The following CHN2 variants were observed in gnomAD, a reference collection of about 807,000 sequenced individuals.
CHN2 encodes beta-chimaerin.
CHN2 carries 35 observed loss-of-function variants against 56.3 expected under a neutral mutation model. The ratio of observed to expected loss-of-function variants is 0.62; its 90% CI spans 0.47 to 0.82. The LOEUF (loss-of-function observed/expected upper bound fraction) is 0.82. Ranked by LOEUF, CHN2 falls within the 40% of genes least tolerant of loss-of-function variation. The probability of loss-of-function intolerance (pLI) is 0.00; values close to 1 mark genes in which losing one functional copy is unlikely to be tolerated. For synonymous variants in CHN2, 210 were observed against 212.8 expected, an observed-to-expected ratio of 0.99 and a Z score of 0.12; for missense variants, 491 against 580.5, an observed-to-expected ratio of 0.85 and a Z score of 1.58.
intron 1 of CHN2, among the ~76,000 whole-genome samples, chr7:29,289,364 A>G (rs1413141180): frequency 6.6e-6 from 1 of 152,132 alleles, no homozygotes; most frequent in Non-Finnish European, 1.5e-5. Context: ...CTAATTCTGC[A>G]TGGCCCCGTC....
intron 2 of CHN2, among the ~76,000 whole-genome samples, chr7:29,149,453 C>G (rs569925194): frequency 7.9e-5 from 12 of 152,174 alleles, no homozygotes; most frequent in African/African-American, 2.6e-4. Context: ...CTTGGCCTCC[C>G]AAAGTGCTGG....
chr7:29,371,793 C>T (rs1313761356), intron 3 of CHN2, among the ~76,000 whole-genome samples: 3 of 152,190 alleles, frequency 2.0e-5, no homozygotes, highest in African/African-American at 7.2e-5. Flanking sequence ...TCCCTACCCT[C>T]ACCCCTTTCT....
intron 6 of CHN2, among the ~76,000 whole-genome samples, chr7:29,472,188 T>C (rs1401697171): frequency 6.6e-6 from 1 of 150,486 alleles, no homozygotes; most frequent in Non-Finnish European, 1.5e-5. Flanking sequence ...CACAATGCCA[T>C]AGCAAAAAAC....
intron 6 of CHN2, among the ~76,000 whole-genome samples, chr7:29,419,801 C>T (rs955678465): frequency 2.0e-5 from 3 of 152,234 alleles, no homozygotes; most frequent in African/African-American, 7.2e-5. Flanking sequence ...TATCTCACAC[C>T]GGCCGGGTGC....
At chr7:29,227,389 C>A (rs187248384) in intron 1 of CHN2, among the ~76,000 whole-genome samples, 3 of 152,284 alleles carry the variant, frequency 2.0e-5, no homozygotes, top group Admixed American at 1.3e-4. Flanking sequence ...GTACTGAGTT[C>A]CTGTTAAAGG....
intron 9 of CHN2, among the ~76,000 whole-genome samples, chr7:29,500,340 T>G (rs531993737): frequency 6.6e-6 from 1 of 152,294 alleles, no homozygotes; most frequent in Admixed American, 6.5e-5. Context: ...AAATTCATAC[T>G]TCAGCTGGGT....
intron 2 of CHN2, among the ~76,000 whole-genome samples, chr7:29,156,016 A>G (rs956409446): frequency 1.3e-5 from 2 of 152,200 alleles, no homozygotes; most frequent in Non-Finnish European, 2.9e-5. Context: ...TACATTTAAT[A>G]TTGGTTTTCT....
intron 6 of CHN2, among the ~76,000 whole-genome samples, chr7:29,466,618 A>C (rs1347801491): frequency 3.3e-5 from 5 of 152,192 alleles, no homozygotes. Flanking sequence ...ATCCTTCCTT[A>C]ATACCTGCTA....
At chr7:29,271,881 C>T (rs932805603) in intron 1 of CHN2, among the ~76,000 whole-genome samples, 1 of 151,542 alleles carries the variant, frequency 6.6e-6, no homozygotes, top group Non-Finnish European at 1.5e-5. Context: ...CACCTTTGCA[C>T]TTCTCCTCCC....
intron 12 of CHN2, among the ~76,000 whole-genome samples, chr7:29,510,563 C>A (rs1313064818): frequency 6.6e-6 from 1 of 152,266 alleles, no homozygotes; most frequent in Middle Eastern, 3.4e-3. Context: ...CACTCCCTCA[C>A]CAGCAGTTTG....
At chr7:29,260,291 C>T (rs546285742) in intron 1 of CHN2, among the ~76,000 whole-genome samples, 19 of 152,036 alleles carry the variant, frequency 1.2e-4, no homozygotes, top group Non-Finnish European at 2.2e-4. Flanking sequence ...TATCTAACTT[C>T]GGATTTGAGT....
intron 6 of CHN2, 88 bp from the exon 7 acceptor site, chr7:29,480,191 A>C: frequency 6.2e-7 from 1 of 1,612,136 alleles, no homozygotes; most frequent in Non-Finnish European, 8.5e-7. Flanking sequence ...GGAAACGCCA[A>C]GAACTGCTGG....
rs117777150 is a variant in CHN2, at chr7:29,391,834, A to G, written c.145-1845A>G. Among the ~76,000 whole-genome samples, 1,215 of 152,270 alleles carry G rather than the reference A, an allele frequency of 8.0e-3. 11 individuals carry two copies. Among genetic ancestry groups the G allele is most frequent in the Middle Eastern group, 0.02 (6 of 294 alleles). On this transcript the variant is annotated intron_variant, in intron 3 of 12. Transcript: ENST00000222792. ...AGCCCAGAACATAAGGGTGCTGTGT[A>G]TTTTTATCATTGGTTGATGAACTGA...
intron 1 of CHN2, among the ~76,000 whole-genome samples, chr7:29,211,103 C>T (rs1361370853): frequency 6.6e-6 from 1 of 151,444 alleles, no homozygotes; most frequent in Non-Finnish European, 1.5e-5. Context: ...CGGAGTCTCG[C>T]TCTATCGCCC....
intron 6 of CHN2, among the ~76,000 whole-genome samples, chr7:29,448,027 C>G (rs968864026): frequency 6.6e-6 from 1 of 152,144 alleles, no homozygotes; most frequent in African/African-American, 2.4e-5. Flanking sequence ...GTTTGAAAAT[C>G]ACTGGAAAAA....
At chr7:29,299,286 C>G (rs1220850970) in intron 1 of CHN2, among the ~76,000 whole-genome samples, 1 of 152,164 alleles carries the variant, frequency 6.6e-6, no homozygotes, top group East Asian at 1.9e-4. Context: ...GTGGTGATTT[C>G]TGTTGTCATA....
intron 2 of CHN2, among the ~76,000 whole-genome samples, chr7:29,355,688 C>G (rs1453755631): frequency 6.6e-6 from 1 of 151,896 alleles, no homozygotes; most frequent in Non-Finnish European, 1.5e-5. Flanking sequence ...GGTTACCACT[C>G]CCCATCAAGA....
intron 12 of CHN2, among the ~76,000 whole-genome samples, chr7:29,510,792 G>T (rs1190063636): frequency 6.6e-6 from 1 of 152,198 alleles, no homozygotes; most frequent in Non-Finnish European, 1.5e-5. Flanking sequence ...GGGATGCAGG[G>T]TATGAATTCC....
intron 3 of CHN2, chr7:29,380,605 A>G (rs1395112594): frequency 1.3e-5 from 2 of 152,242 alleles, no homozygotes; most frequent in African/African-American, 2.4e-5. Context: ...AATGATAGAC[A>G]CTTTGCCTTT....
Sources: gnomAD v4.1 joint callset for allele counts (sites outside exome capture counted in the v4.1 genomes callset) on GRCh38, gnomAD v4.1.1 for gene constraint, MANE v1.5 for transcripts, NCBI Gene and HGNC (gene_info 2026-07-23, HGNC 2026-07-21) for gene names.